Variants in SLC35F1 observed in about 807,000 individuals in gnomAD.
SLC35F1 encodes solute carrier family 35 member F1, also known as chromosome 6 open reading frame 169.
A neutral mutation model predicts 48.7 loss-of-function variants in SLC35F1; 14 were observed. The observed-to-expected ratio is 0.29, with a 90% confidence interval of 0.19 to 0.45. The LOEUF is 0.45. SLC35F1 is among the 20% of genes least tolerant of loss of function. The pLI, the probability that SLC35F1 is intolerant of heterozygous loss-of-function variation, is 1.00. For missense variants in SLC35F1, 404 were observed against 500.0 expected (o/e 0.81, Z 1.83); for synonymous variants, 190 against 202.2 (o/e 0.94, Z 0.51).
At chr6:118,054,660 A>G (rs766178493) in intron 1 of SLC35F1, among the ~76,000 whole-genome samples, 26 of 152,074 alleles carry the variant, frequency 1.7e-4, no homozygotes, top group Non-Finnish European at 3.7e-4. Flanking sequence ...TCTGACACTA[A>G]CTCACCCTCT....
intron 1 of SLC35F1, among the ~76,000 whole-genome samples, chr6:118,074,460 T>G (rs1210617988): frequency 1.3e-5 from 2 of 152,104 alleles, no homozygotes; most frequent in African/African-American, 4.8e-5. Flanking sequence ...CTATGTGACC[T>G]CCTCAAATCA....
rs568009205 is a variant in SLC35F1, at chr6:118,277,383, T to G, written c.795-111T>G. ...CCCAAAATTCTTTCTGAAATTCATCTGGTTGCTTCATTATTTGTATACATC... is the reference window on the plus strand; with the variant it reads ...CCCAAAATTCTTTCTGAAATTCATCGGGTTGCTTCATTATTTGTATACATC... On this transcript the variant is annotated intron_variant, in intron 5 of 7. Transcript: ENST00000360388. The G allele has an allele frequency of 1.8e-4, 173 of 952,964 alleles. No homozygotes were observed. The African/African-American group carries it at 2.7e-3, about 15-fold the overall frequency. The allele number at this position is 952,964 out of a possible 1,614,324, so 59.0% of individuals were successfully genotyped here.
intron 1 of SLC35F1, among the ~76,000 whole-genome samples, chr6:118,112,174 G>T (rs1419903728): frequency 1.4e-5 from 2 of 147,304 alleles, no homozygotes; most frequent in Non-Finnish European, 1.5e-5. Flanking sequence ...CTGTCACCAG[G>T]CTGGAGTGCA....
intron 1 of SLC35F1, among the ~76,000 whole-genome samples, chr6:118,125,383 G>C (rs966306510): frequency 4.7e-5 from 7 of 148,512 alleles, no homozygotes; most frequent in African/African-American, 1.7e-4. Flanking sequence ...TTTTGGGGGG[G>C]GGGATCAGAT....
In SLC35F1 at chr6:118,275,508, C is replaced by G. The variant is rs191976182; in HGVS notation, c.687C>G (p.Leu229=). ...TTCTGGTCTTAGGAGGAGCCACACT[C>G]TATGGTATTTCTAACGTCTGGGAAG... is the stretch of plus-strand genomic sequence containing the variant. ...GDLLVLGGAT[L]YGISNVWEEY... is the part of the protein sequence containing the mutation. Residue 229 remains leucine (L), a synonymous_variant, in exon 5 of 8, where the codon CTC becomes CTG. Coordinates refer to ENST00000360388, the MANE Select transcript of SLC35F1 (RefSeq NM_001029858.4). 6.2e-7 allele frequency: 1 copy of G among 1,613,918 alleles called. No individual in the cohort carries two copies. Among genetic ancestry groups the G allele is most frequent in the East Asian group, 2.2e-5 (1 of 44,826 alleles).
intron 1 of SLC35F1, among the ~76,000 whole-genome samples, chr6:117,972,352 T>C (rs1320584642): frequency 6.6e-6 from 1 of 152,222 alleles, no homozygotes; most frequent in Non-Finnish European, 1.5e-5. Flanking sequence ...TCTTTTGTTT[T>C]TCTGAGCCCT....
Position 117,923,876 on chromosome 6 carries a change from A to C in SLC35F1, c.173+15977A>C, listed in dbSNP as rs545750546. ...CATATATATGTGTGTACATATATACATATGTAGATACACATATACACATAT... is the reference window on the plus strand; with the variant it reads ...CATATATATGTGTGTACATATATACCTATGTAGATACACATATACACATAT... On this transcript the variant is annotated intron_variant, in intron 1 of 7. Coordinates refer to ENST00000360388, the MANE Select transcript of SLC35F1 (RefSeq NM_001029858.4). 3.4e-4 allele frequency among the ~76,000 whole-genome samples: 48 copies of C among 140,196 alleles called. 3 individuals are homozygous for C. In the South Asian group the frequency reaches 0.01, roughly 29 times the overall value. 92.0% of individuals were successfully genotyped at this position (140,196 alleles called of 152,430 possible). A position where few individuals can be genotyped will look rare whatever the true frequency, so the allele number is the denominator to read the frequency against.
At chr6:118,204,937 C>G (rs1414366715) in intron 2 of SLC35F1, among the ~76,000 whole-genome samples, 1 of 152,214 alleles carries the variant, frequency 6.6e-6, no homozygotes, top group Non-Finnish European at 1.5e-5. Flanking sequence ...AAAGAGCAAG[C>G]AATCCCATGA....
intron 1 of SLC35F1, among the ~76,000 whole-genome samples, chr6:117,943,189 C>T (rs942120274): frequency 6.6e-6 from 1 of 152,180 alleles, no homozygotes; most frequent in African/African-American, 2.4e-5. Flanking sequence ...ATGTGTATCT[C>T]TAACCGAATT....
At chr6:118,271,419 C>T (rs1434021500) in intron 4 of SLC35F1, among the ~76,000 whole-genome samples, 1 of 152,060 alleles carries the variant, frequency 6.6e-6, no homozygotes, top group Non-Finnish European at 1.5e-5. Flanking sequence ...CCCTAGGTTG[C>T]CCAGAATGGA....
chr6:118,160,450 A>G (rs1774213470), intron 2 of SLC35F1, among the ~76,000 whole-genome samples: 1 of 152,268 alleles, frequency 6.6e-6, no homozygotes, highest in Non-Finnish European at 1.5e-5. Context: ...TGAGTGTAAA[A>G]ATGAAACAAG....
chr6:118,103,901 A>G (rs1773293789), intron 1 of SLC35F1, among the ~76,000 whole-genome samples: 1 of 152,214 alleles, frequency 6.6e-6, no homozygotes, highest in Admixed American at 6.5e-5. Context: ...CCATCTAAAA[A>G]AAGTCTCAGA....
chr6:118,006,577 C>A (rs1777177193), intron 1 of SLC35F1, among the ~76,000 whole-genome samples: 1 of 152,110 alleles, frequency 6.6e-6, no homozygotes, highest in South Asian at 2.1e-4. Context: ...TGTGACCACG[C>A]TACTGCACTC....
At chr6:118,124,996 A>G (rs1341996459) in intron 1 of SLC35F1, among the ~76,000 whole-genome samples, 1 of 152,146 alleles carries the variant, frequency 6.6e-6, no homozygotes, top group East Asian at 1.9e-4. Flanking sequence ...GACAAAAGAA[A>G]TGCTGGAAGG....
intron 5 of SLC35F1, among the ~76,000 whole-genome samples, chr6:118,276,889 G>A (rs1466369368): frequency 6.6e-6 from 1 of 152,126 alleles, no homozygotes; most frequent in Non-Finnish European, 1.5e-5. Context: ...AAGTAATGCT[G>A]GTGGAGTGAT....
intron 1 of SLC35F1, among the ~76,000 whole-genome samples, chr6:118,093,347 G>T (rs1001391404): frequency 6.6e-6 from 1 of 152,068 alleles, no homozygotes; most frequent in South Asian, 2.1e-4. Flanking sequence ...GAGGACATGA[G>T]ATTTGAGATG....
At chr6:118,247,160 A>G (rs1022742760) in intron 3 of SLC35F1, among the ~76,000 whole-genome samples, 9 of 152,240 alleles carry the variant, frequency 5.9e-5, no homozygotes, top group Admixed American at 5.9e-4. Context: ...TTACTCTTGG[A>G]TAACAAATTT....
intron 2 of SLC35F1, among the ~76,000 whole-genome samples, chr6:118,204,812 A>G (rs1226804686): frequency 1.3e-5 from 2 of 152,196 alleles, no homozygotes; most frequent in African/African-American, 4.8e-5. Context: ...CTATTAGTCT[A>G]CTTTCAAAAT....
At chr6:118,175,733 A>G (rs184664193) in intron 2 of SLC35F1, among the ~76,000 whole-genome samples, 1 of 152,070 alleles carries the variant, frequency 6.6e-6, no homozygotes, top group Non-Finnish European at 1.5e-5. Context: ...ATTTTTCTGT[A>G]TGTATTCCCA....
Sources: gnomAD v4.1 joint callset for allele counts (sites outside exome capture counted in the v4.1 genomes callset) on GRCh38, gnomAD v4.1.1 for gene constraint, MANE v1.5 for transcripts, NCBI Gene and HGNC (gene_info 2026-07-23, HGNC 2026-07-21) for gene names.